The following AUTS2 variants were observed in gnomAD, a reference collection of about 807,000 sequenced individuals.
AUTS2 encodes the protein autism susceptibility gene 2 protein.
In AUTS2, 17 loss-of-function variants were observed where a neutral mutation model predicts 112.4. The ratio of observed to expected loss-of-function variants is 0.15; its 90% CI spans 0.10 to 0.23. The LOEUF (loss-of-function observed/expected upper bound fraction) is 0.23. AUTS2 is among the 10% of genes least tolerant of loss of function. AUTS2 has a pLI of 1.00. For synonymous variants in AUTS2, 751 were observed against 702.7 expected (o/e 1.07, Z -1.09); for missense variants, 1,510 against 1,701.6 (o/e 0.89, Z 1.98).
chr7:70,785,157 C>T (rs1456690981), intron 16 of AUTS2, 138 bp downstream of exon 16: 27 of 811,050 alleles, frequency 3.3e-5, no homozygotes, highest in East Asian at 2.1e-4. Flanking sequence ...GGAGATGGTG[C>T]TCTCTTAGGA....
chr7:70,731,530 T>C (rs921735288), intron 6 of AUTS2, among the ~76,000 whole-genome samples: 9 of 147,226 alleles, frequency 6.1e-5, no homozygotes, highest in South Asian at 4.5e-4. Context: ...CCCGGGTTCA[T>C]GCCATTCTCC....
chr7:70,173,082 A>C (rs1562761728), intron 4 of AUTS2, among the ~76,000 whole-genome samples: 1 of 152,158 alleles, frequency 6.6e-6, no homozygotes, highest in Admixed American at 6.5e-5. Flanking sequence ...GTCTCTTACC[A>C]CTGGGAGTTT....
intron 1 of AUTS2, among the ~76,000 whole-genome samples, chr7:69,839,673 A>G (rs1791886399): frequency 6.6e-6 from 1 of 152,178 alleles, no homozygotes; most frequent in African/African-American, 2.4e-5. Flanking sequence ...TTGTAAGGAT[A>G]GTAGAGTAGT....
intron 4 of AUTS2, among the ~76,000 whole-genome samples, chr7:70,276,063 C>T (rs1411851492): frequency 1.3e-5 from 2 of 152,194 alleles, no homozygotes; most frequent in African/African-American, 4.8e-5. Context: ...TCCTCTGTTT[C>T]AGTTTCAGAT....
chr7:69,639,736 C>A (rs1353901881), intron 1 of AUTS2, among the ~76,000 whole-genome samples: 1 of 152,190 alleles, frequency 6.6e-6, no homozygotes, highest in East Asian at 1.9e-4. Context: ...TTGGATATGG[C>A]TGAAATGAAA....
In AUTS2 at chr7:70,762,882, G is replaced by C. The variant is rs748068126; in HGVS notation, c.755G>C (p.Gly252Ala). The change falls in exon 7 of 19, where the codon GGT (glycine) becomes GCT (alanine). Residue 252 changes from glycine to alanine, a missense_variant. By Grantham distance (60) the Gly-to-Ala change is moderately conservative. Around this residue, in one of 3 missense-constraint regions of AUTS2, gnomAD observed 535 missense variants for 594.3 expected, o/e 0.90. Coordinates refer to ENST00000342771, the MANE Select transcript of AUTS2 (RefSeq NM_015570.4). The stretch of plus-strand genomic sequence containing the variant: ...CTCTCCCATGCAGATCCGGAGTTAG[G>C]TGTTGGCACGCTACCAGAACATGAC... Reference protein sequence around the residue: ...TVIVNKDPELGVGTLPEHDSQ... With the variant: ...TVIVNKDPELAVGTLPEHDSQ... 1 of 1,613,106 alleles carries C rather than the reference G, an allele frequency of 6.2e-7. No homozygotes were observed. Among genetic ancestry groups the C allele is most frequent in the Non-Finnish European group, 8.5e-7 (1 of 1,179,224 alleles).
At chr7:70,272,775 G>T (rs1029414428) in intron 4 of AUTS2, among the ~76,000 whole-genome samples, 1 of 152,046 alleles carries the variant, frequency 6.6e-6, no homozygotes, top group Non-Finnish European at 1.5e-5. Context: ...AGGGAGGACT[G>T]AGCCCCAGAG....
intron 4 of AUTS2, among the ~76,000 whole-genome samples, chr7:70,242,233 G>T (rs576053961): frequency 1.3e-5 from 2 of 152,254 alleles, no homozygotes; most frequent in East Asian, 3.9e-4. Flanking sequence ...GTGTAGAGGA[G>T]ATTGTGTGGC....
chr7:70,217,482 C>T (rs1171684530), intron 4 of AUTS2, among the ~76,000 whole-genome samples: 2 of 152,224 alleles, frequency 1.3e-5, no homozygotes, highest in Non-Finnish European at 2.9e-5. Flanking sequence ...ACCCACTTTT[C>T]ATTTCCTAGT....
At chr7:70,727,022 C>T (rs1268347047) in intron 6 of AUTS2, among the ~76,000 whole-genome samples, 1 of 152,170 alleles carries the variant, frequency 6.6e-6, no homozygotes, top group Non-Finnish European at 1.5e-5. Context: ...AGCTTTCTGT[C>T]CTCACCCTCC....
chr7:70,439,268 G>A (rs1037330009), intron 5 of AUTS2, among the ~76,000 whole-genome samples: 37 of 152,276 alleles, frequency 2.4e-4, no homozygotes, highest in African/African-American at 8.7e-4. Flanking sequence ...GGCTGGGTGC[G>A]GTGGCTGATG....
intron 4 of AUTS2, among the ~76,000 whole-genome samples, chr7:70,396,668 C>T (rs894547680): frequency 6.6e-6 from 1 of 152,178 alleles, no homozygotes; most frequent in African/African-American, 2.4e-5. Flanking sequence ...TGAGCCACTG[C>T]ACCTGGCCTA....
rs200482728 is a variant in AUTS2, at chr7:70,132,164, T to TAA, written c.625-2349_625-2348dup. On this transcript the variant is annotated intron_variant, in intron 3 of 18. Coordinates refer to ENST00000342771, the MANE Select transcript of AUTS2 (RefSeq NM_015570.4). Reference sequence around the variant, plus strand: ...ACTGAATACCATGCATCTTTTCCCTTAAAAAAAAAAAAAAAAAAAAAAAAG... The same window carrying TAA: ...ACTGAATACCATGCATCTTTTCCCTTAAAAAAAAAAAAAAAAAAAAAAAAAAG... Among the ~76,000 whole-genome samples, 493 of 102,516 alleles carry TAA rather than the reference T, an allele frequency of 4.8e-3. 4 individuals are homozygous for TAA. The highest frequency in any genetic ancestry group is 7.5e-3 in the Non-Finnish European group (379 of 50,262). The allele number at this position is 102,516 out of a possible 152,430, so 67.3% of individuals were successfully genotyped here.
At chr7:70,448,851 G>A (rs975081729) in intron 5 of AUTS2, among the ~76,000 whole-genome samples, 10 of 152,144 alleles carry the variant, frequency 6.6e-5, no homozygotes, top group Middle Eastern at 3.4e-3. Flanking sequence ...ATTATAAAGG[G>A]GCTTATCCAT....
At chr7:70,397,658 T>TACACACAC (rs145934747) in intron 4 of AUTS2, among the ~76,000 whole-genome samples, 49 of 149,456 alleles carry the variant, frequency 3.3e-4, no homozygotes, top group African/African-American at 9.8e-4. Flanking sequence ...TACATGTATG[T>TACACACAC]ACACACACAC....
intron 4 of AUTS2, among the ~76,000 whole-genome samples, chr7:70,253,194 G>A (rs1786690372): frequency 6.6e-6 from 1 of 152,076 alleles, no homozygotes; most frequent in African/African-American, 2.4e-5. Flanking sequence ...TTGAGCAGTT[G>A]TTTATGTTAT....
intron 1 of AUTS2, among the ~76,000 whole-genome samples, chr7:69,874,944 G>A (rs1157440243): frequency 6.6e-6 from 1 of 151,698 alleles, no homozygotes; most frequent in Non-Finnish European, 1.5e-5. Context: ...GCATCTGTTT[G>A]ATGTTGGGTA....
chr7:69,819,198 C>T (rs1189339217), intron 1 of AUTS2, among the ~76,000 whole-genome samples: 8 of 152,120 alleles, frequency 5.3e-5, no homozygotes, highest in South Asian at 4.1e-4. Flanking sequence ...CAAGCAGTGT[C>T]GATGGGTTTT....
At chr7:70,396,157 G>A (rs1018897302) in intron 4 of AUTS2, among the ~76,000 whole-genome samples, 1 of 152,048 alleles carries the variant, frequency 6.6e-6, no homozygotes, top group African/African-American at 2.4e-5. Context: ...AAGATAATGA[G>A]CATCTTCATT....
Sources: allele counts gnomAD v4.1 joint callset (sites outside exome capture counted in the v4.1 genomes callset), GRCh38; gene constraint gnomAD v4.1.1; regional missense constraint gnomAD v4.1.1; transcripts MANE v1.5; gene names NCBI Gene and HGNC (gene_info 2026-07-23, HGNC 2026-07-21).